Variants in SIPA1L1 observed in about 807,000 individuals in gnomAD.
SIPA1L1 encodes the protein signal induced proliferation associated 1 like 1.
SIPA1L1 carries 26 observed loss-of-function variants against 162.7 expected under a neutral mutation model. The ratio of observed to expected loss-of-function variants is 0.16; its 90% confidence interval spans 0.12 to 0.22. The LOEUF is 0.22. Ranked by LOEUF, SIPA1L1 falls within the 10% of genes least tolerant of loss-of-function variation. The probability of loss-of-function intolerance (pLI) is 1.00; values close to 1 mark genes in which losing one functional copy is unlikely to be tolerated. For missense variants in SIPA1L1, 1,874 were observed against 2,241.0 expected, an observed-to-expected ratio of 0.84 and a Z score of 3.31; for synonymous variants, 829 against 837.4, an observed-to-expected ratio of 0.99 and a Z score of 0.17.
chr14:71,603,021 G>A (rs1312114477), intron 5 of SIPA1L1, among the ~76,000 whole-genome samples: 1 of 152,144 alleles, frequency 6.6e-6, no homozygotes, highest in Admixed American at 6.5e-5. Context: ...TTTTGTTTAT[G>A]TATCTGGGTG....
intron 2 of SIPA1L1, among the ~76,000 whole-genome samples, chr14:71,462,930 G>A (rs986353707): frequency 1.3e-5 from 2 of 152,184 alleles, no homozygotes; most frequent in African/African-American, 4.8e-5. Context: ...GGAGAAAAAG[G>A]CATTTGCCAC....
At chr14:71,720,698 C>G (rs1241240176) in intron 17 of SIPA1L1, among the ~76,000 whole-genome samples, 1 of 151,994 alleles carries the variant, frequency 6.6e-6, no homozygotes, top group African/African-American at 2.4e-5. Context: ...ACTAGTTCTT[C>G]CTTCTGCTTG....
chr14:71,358,534 C>G (rs2037495135), intron 2 of SIPA1L1, among the ~76,000 whole-genome samples: 1 of 152,212 alleles, frequency 6.6e-6, no homozygotes, highest in South Asian at 2.1e-4. Flanking sequence ...TGTAGTGAGT[C>G]TTACCCTGAC....
chr14:71,438,086 G>T (rs932576739), intron 2 of SIPA1L1, among the ~76,000 whole-genome samples: 1 of 152,040 alleles, frequency 6.6e-6, no homozygotes, highest in African/African-American at 2.4e-5. Flanking sequence ...TTTAGAAGTG[G>T]TTCATAGCCC....
chr14:71,576,311 A>G (rs1337825256), intron 4 of SIPA1L1, among the ~76,000 whole-genome samples: 1 of 152,240 alleles, frequency 6.6e-6, no homozygotes, highest in Non-Finnish European at 1.5e-5. Context: ...CTGGGTCTTC[A>G]TGTACAAACT....
intron 4 of SIPA1L1, chr14:71,573,630 T>G (rs1316735924): frequency 2.2e-6 from 1 of 456,618 alleles, no homozygotes; most frequent in Non-Finnish European, 4.4e-6. Flanking sequence ...CCTCCTGCTT[T>G]CAACAACTAT....
At chr14:71,419,075 G>A (rs1281450929) in intron 2 of SIPA1L1, among the ~76,000 whole-genome samples, 1 of 152,158 alleles carries the variant, frequency 6.6e-6, no homozygotes, top group Admixed American at 6.5e-5. Flanking sequence ...GAGCAGGGGT[G>A]TTTCCTGAAC....
At chr14:71,559,985 TA>T (rs2056658258) in intron 4 of SIPA1L1, among the ~76,000 whole-genome samples, 1 of 152,214 alleles carries the variant, frequency 6.6e-6, no homozygotes, top group Non-Finnish European at 1.5e-5. Context: ...GATATTTGTA[TA>T]TTTTTTAGTG....
chr14:71,709,411 A>G lies in SIPA1L1; in HGVS notation c.3955A>G (p.Thr1319Ala). The G allele has an allele frequency of 1.4e-5, 22 of 1,614,222 alleles. No homozygotes were observed. The highest frequency in any genetic ancestry group is 1.9e-5 in the Non-Finnish European group (22 of 1,180,038). The change falls in exon 17 of 24, where the codon ACA becomes GCA. Residue 1319 changes from threonine to alanine, a missense_variant. Physicochemically the swap from Thr to Ala is moderately conservative, Grantham distance 58. Transcript: ENST00000381232. ...CTCTTATGGCCCCAGCCACGGCAGC[A>G]CAGCCTCGCTGGGGGCTGCCACATC... Reference protein sequence around the residue: ...TTSYGPSHGSTASLGAATSSP... With the variant: ...TTSYGPSHGSAASLGAATSSP...
At chr14:71,697,702 CT>C (rs2081754941) in intron 13 of SIPA1L1, among the ~76,000 whole-genome samples, 2 of 152,134 alleles carry the variant, frequency 1.3e-5, no homozygotes, top group African/African-American at 4.8e-5. Context: ...GGAGTTGTAC[CT>C]TTTAGTATCT....
At chr14:71,555,241 G>T (rs2146379569) in intron 4 of SIPA1L1, among the ~76,000 whole-genome samples, 1 of 152,260 alleles carries the variant, frequency 6.6e-6, no homozygotes, top group East Asian at 1.9e-4. Context: ...GTTGTTTATT[G>T]TAGTCACCTT....
intron 5 of SIPA1L1, among the ~76,000 whole-genome samples, chr14:71,610,204 C>T (rs2038048289): frequency 6.6e-6 from 1 of 152,134 alleles, no homozygotes; most frequent in Admixed American, 6.5e-5. Context: ...GATGAAAACA[C>T]TAAATTTCAG....
intron 7 of SIPA1L1, among the ~76,000 whole-genome samples, chr14:71,647,020 G>A (rs554906939): frequency 6.6e-6 from 1 of 152,104 alleles, no homozygotes; most frequent in East Asian, 1.9e-4. Flanking sequence ...CTTAACTTCT[G>A]CTTGTCAACA....
intron 2 of SIPA1L1, among the ~76,000 whole-genome samples, chr14:71,385,928 C>T (rs1288687139): frequency 6.6e-6 from 1 of 152,030 alleles, no homozygotes; most frequent in African/African-American, 2.4e-5. Context: ...CCTCGTGATC[C>T]GCCCGCCTCA....
intron 5 of SIPA1L1, among the ~76,000 whole-genome samples, chr14:71,596,968 T>C (rs922211445): frequency 3.3e-5 from 5 of 152,038 alleles, no homozygotes; most frequent in Admixed American, 1.3e-4. Context: ...AATCCCCCAA[T>C]AACTCATATT....
At chr14:71,705,370 T>C in intron 16 of SIPA1L1, 30 bp downstream of exon 16, 1 of 1,469,094 alleles carries the variant, frequency 6.8e-7, no homozygotes, top group Non-Finnish European at 9.5e-7. Flanking sequence ...AAAAAAGTAT[T>C]AGATTCCTAG....
chr14:71,661,617 C>T (rs911981475), intron 10 of SIPA1L1, 150 bp downstream of exon 10: 1 of 810,202 alleles, frequency 1.2e-6, no homozygotes. Flanking sequence ...GCTGAATTCA[C>T]ATGATGATGT....
chr14:71,342,344 G>A (rs999621308), intron 2 of SIPA1L1, among the ~76,000 whole-genome samples: 4 of 152,160 alleles, frequency 2.6e-5, no homozygotes, highest in African/African-American at 9.7e-5. Flanking sequence ...TATATACCTA[G>A]TAGTGGGATT....
At chr14:71,629,039 G>A (rs565108133) in intron 7 of SIPA1L1, among the ~76,000 whole-genome samples, 4 of 152,220 alleles carry the variant, frequency 2.6e-5, no homozygotes, top group Middle Eastern at 3.4e-3. Context: ...CCAGGTTCAC[G>A]CCATTCTCCT....
Sources: allele counts gnomAD v4.1 joint callset (sites outside exome capture counted in the v4.1 genomes callset), GRCh38; gene constraint gnomAD v4.1.1; transcripts MANE v1.5; gene names NCBI Gene and HGNC (gene_info 2026-07-23, HGNC 2026-07-21).